The following SLC25A28 variants were observed in gnomAD, a reference collection of about 807,000 sequenced individuals.
SLC25A28 encodes the protein mitoferrin-2.
In SLC25A28, 10 loss-of-function variants were observed where a neutral mutation model predicts 31.9. That is an observed-to-expected ratio of 0.31 (90% CI 0.19 to 0.53). The LOEUF (loss-of-function observed/expected upper bound fraction) is 0.53, where lower values mean the gene tolerates loss of function less well. Ranked by LOEUF, SLC25A28 falls within the 20% of genes least tolerant of loss-of-function variation. SLC25A28 has a pLI of 0.95. For synonymous variants in SLC25A28, 208 were observed against 203.6 expected (o/e 1.02, Z -0.19); for missense variants, 256 against 490.3 (o/e 0.52, Z 4.51).
chr10:99,653,033 G>C, the SLC25A28 span, among the ~76,000 whole-genome samples: 1 of 152,098 alleles, frequency 6.6e-6, no homozygotes, highest in South Asian at 2.1e-4. Context: ...AAAGTTCCCT[G>C]ACCAAACTCA....
upstream of SLC25A28, chr10:99,620,743 G>C (rs2034772701): frequency 8.1e-6 from 8 of 985,538 alleles, no homozygotes; most frequent in Non-Finnish European, 9.6e-6. Flanking sequence ...AACCACTCTT[G>C]ATACTTTGAC....
chr10:99,618,570 C>T, intron 1 of SLC25A28: 1 of 985,344 alleles, frequency 1.0e-6, no homozygotes, highest in Non-Finnish European at 1.2e-6. Context: ...ACTTGTTTTA[C>T]ATTTCAATGT....
At chr10:99,656,122 A>T in the SLC25A28 span, among the ~76,000 whole-genome samples, 1 of 152,204 alleles carries the variant, frequency 6.6e-6, no homozygotes, top group African/African-American at 2.4e-5. Flanking sequence ...AGAATAAGAA[A>T]CTACTATGGG....
chr10:99,652,174 G>C, the SLC25A28 span: 2 of 152,142 alleles, frequency 1.3e-5, no homozygotes, highest in African/African-American at 4.8e-5. Context: ...TGTTTTTCCA[G>C]GTACAACAGC....
intron 1 of SLC25A28, among the ~76,000 whole-genome samples, chr10:99,615,021 C>T (rs556438264): frequency 1.4e-4 from 22 of 152,284 alleles, no homozygotes; most frequent in African/African-American, 4.8e-4. Flanking sequence ...GTTTAAATTT[C>T]TGCATCAATC....
At chr10:99,632,532 C>T in the SLC25A28 span, among the ~76,000 whole-genome samples, 2 of 152,012 alleles carry the variant, frequency 1.3e-5, no homozygotes, top group African/African-American at 4.8e-5. Context: ...ATAGTTAGAC[C>T]TCAACAAATG....
the SLC25A28 span, among the ~76,000 whole-genome samples, chr10:99,626,102 TG>T: frequency 6.6e-6 from 1 of 152,226 alleles, no homozygotes; most frequent in Non-Finnish European, 1.5e-5. Flanking sequence ...GTCCTACTGC[TG>T]CGTCCGGCTT....
At chr10:99,617,183 A>C in intron 1 of SLC25A28, 1 of 985,448 alleles carries the variant, frequency 1.0e-6, no homozygotes, top group Non-Finnish European at 1.2e-6. Context: ...TTTGGGTTGC[A>C]GAATGTCCCC....
At chr10:99,614,133 A>G (rs1316548287) in intron 1 of SLC25A28, among the ~76,000 whole-genome samples, 1 of 152,160 alleles carries the variant, frequency 6.6e-6, no homozygotes, top group African/African-American at 2.4e-5. Context: ...ATGGAACACC[A>G]TTATTTTCCC....
the SLC25A28 span, among the ~76,000 whole-genome samples, chr10:99,656,041 A>C: frequency 6.6e-6 from 1 of 152,082 alleles, no homozygotes; most frequent in Admixed American, 6.5e-5. Flanking sequence ...CTTCTGGAAG[A>C]AGGTACTTCT....
the SLC25A28 span, among the ~76,000 whole-genome samples, chr10:99,635,447 C>T: frequency 5.1e-4 from 78 of 152,206 alleles, no homozygotes; most frequent in African/African-American, 1.7e-3. Context: ...TTTAGGAGGC[C>T]GAGGCGGGTG....
chr10:99,630,816 T>A, the SLC25A28 span, among the ~76,000 whole-genome samples: 1 of 152,092 alleles, frequency 6.6e-6, no homozygotes, highest in African/African-American at 2.4e-5. Flanking sequence ...AAATTACAAC[T>A]GGGATGTGTG....
At chr10:99,621,136 C>T (rs2034784882), upstream of SLC25A28, 1 of 295,248 alleles carries the variant, frequency 3.4e-6, no homozygotes, top group Non-Finnish European at 5.0e-6. Context: ...CTGGGAACCG[C>T]CTCACCTCCA....
At chr10:99,628,431 G>C in the SLC25A28 span, among the ~76,000 whole-genome samples, 1 of 152,216 alleles carries the variant, frequency 6.6e-6, no homozygotes, top group Admixed American at 6.5e-5. Flanking sequence ...ATATTTTCTT[G>C]AATGTTTATT....
At chr10:99,615,083 G>A (rs541980097) in intron 1 of SLC25A28, among the ~76,000 whole-genome samples, 2 of 152,072 alleles carry the variant, frequency 1.3e-5, no homozygotes, top group South Asian at 2.1e-4. Context: ...GGCCAGGCAC[G>A]GTGGCTCACG....
the SLC25A28 span, among the ~76,000 whole-genome samples, chr10:99,627,555 T>G: frequency 6.6e-6 from 1 of 151,924 alleles, no homozygotes; most frequent in African/African-American, 2.4e-5. Flanking sequence ...ATCCTCCTGC[T>G]TCTGTCCCCC....
rs2034573411 is a variant in SLC25A28 at position 99,613,306 on chromosome 10, T to C, written c.520+390A>G. 1 of 853,384 alleles carries C rather than the reference T, an allele frequency of 1.2e-6. No individual in the cohort carries two copies. The allele number at this position is 853,384 out of a possible 1,614,324, so 52.9% of individuals were successfully genotyped here. ...AGGCAAAAAGCAGGGGCTTCATTAG[T>C]ATCTTCCTTGGGTGGCTGGCTGGGT... is the stretch of plus-strand genomic sequence containing the variant. On this transcript the variant is annotated intron_variant, in intron 2 of 3. Coordinates refer to ENST00000370495, the MANE Select transcript of SLC25A28 (RefSeq NM_031212.4). The surrounding 1 kb of genome is among the most constrained non-coding windows in gnomAD (Gnocchi z 4.9).
the SLC25A28 span, among the ~76,000 whole-genome samples, chr10:99,646,102 C>G: frequency 6.6e-6 from 1 of 152,182 alleles, no homozygotes; most frequent in Non-Finnish European, 1.5e-5. Flanking sequence ...CAGACAGGGA[C>G]GTTTAAGTCT....
intron 1 of SLC25A28, chr10:99,615,399 C>T (rs1002203684): frequency 1.1e-6 from 1 of 937,068 alleles, no homozygotes; most frequent in African/African-American, 1.8e-5. Context: ...TCTTGGCCAA[C>T]TGGAATCCAA....
Sources: allele counts gnomAD v4.1 joint callset (sites outside exome capture counted in the v4.1 genomes callset), GRCh38; gene constraint gnomAD v4.1.1; non-coding constraint Gnocchi (gnomAD v3.1); transcripts MANE v1.5; gene names NCBI Gene and HGNC (gene_info 2026-07-23, HGNC 2026-07-21).